Variants in DNAAF9 observed in about 807,000 individuals in gnomAD.
DNAAF9 encodes the protein shulin.
Under a neutral mutation model 167.0 loss-of-function variants are expected in DNAAF9, and 90 were observed. The observed-to-expected ratio is 0.54, with a 90% CI of 0.45 to 0.64. The LOEUF is 0.64. DNAAF9 is among the 30% of genes least tolerant of loss of function. DNAAF9 has a pLI of 0.00. For missense variants in DNAAF9, 1,315 were observed against 1,442.2 expected (o/e 0.91, Z 1.43); for synonymous variants, 491 against 508.8 (o/e 0.96, Z 0.47).
At chr20:3,323,994 C>T (rs933246243) in intron 14 of DNAAF9, among the ~76,000 whole-genome samples, 4 of 152,172 alleles carry the variant, frequency 2.6e-5, no homozygotes, top group Admixed American at 6.5e-5. Flanking sequence ...CAGGGCAGCA[C>T]AAGGTCTTAA....
chr20:3,376,993 T>G (rs958653912), intron 3 of DNAAF9, among the ~76,000 whole-genome samples: 2 of 152,112 alleles, frequency 1.3e-5, no homozygotes, highest in African/African-American at 4.8e-5. Context: ...CATTTGAACC[T>G]GGGAGGCAGA....
At chr20:3,357,063 T>G (rs1454406557) in intron 7 of DNAAF9, among the ~76,000 whole-genome samples, 2 of 152,266 alleles carry the variant, frequency 1.3e-5, no homozygotes, top group Admixed American at 6.5e-5. Context: ...AGTGAATTCT[T>G]TCCTTACTCT....
At chr20:3,318,255 T>G in intron 17 of DNAAF9, 34 bp downstream of exon 17, 2 of 921,184 alleles carry the variant, frequency 2.2e-6, no homozygotes, top group South Asian at 1.4e-5. Flanking sequence ...AAAAAAGGCT[T>G]AAGGTTTGCT....
intron 1 of DNAAF9, among the ~76,000 whole-genome samples, chr20:3,401,913 T>C (rs914749403): frequency 1.3e-5 from 2 of 152,168 alleles, no homozygotes; most frequent in Non-Finnish European, 2.9e-5. Context: ...AATCTTTCTA[T>C]AGAAGATGGT....
At chr20:3,381,765 T>C (rs1224366644) in intron 2 of DNAAF9, among the ~76,000 whole-genome samples, 1 of 152,226 alleles carries the variant, frequency 6.6e-6, no homozygotes, top group East Asian at 1.9e-4. Flanking sequence ...GGATTCATCT[T>C]GGAATGCTTT....
intron 25 of DNAAF9, among the ~76,000 whole-genome samples, chr20:3,293,300 A>AG: frequency 6.8e-6 from 1 of 146,802 alleles, no homozygotes; most frequent in East Asian, 2.0e-4. Flanking sequence ...CTCAAAAAAA[A>AG]AAAAAAAAAA....
intron 10 of DNAAF9, among the ~76,000 whole-genome samples, chr20:3,336,122 CA>C (rs929510026): frequency 5.3e-4 from 79 of 149,112 alleles, no homozygotes; most frequent in African/African-American, 1.7e-3. Flanking sequence ...GACCCCATTT[CA>C]AAAAAAAAAT....
chr20:3,323,351 G>C (rs927101074), intron 14 of DNAAF9, among the ~76,000 whole-genome samples: 4 of 133,726 alleles, frequency 3.0e-5, no homozygotes, highest in Non-Finnish European at 6.1e-5. Context: ...GCGCAATCTC[G>C]ACTCACTGCA....
intron 27 of DNAAF9, among the ~76,000 whole-genome samples, chr20:3,282,199 C>T (rs1309636295): frequency 1.3e-5 from 2 of 152,202 alleles, no homozygotes; most frequent in Non-Finnish European, 2.9e-5. Context: ...TCCAGGTCAG[C>T]AGACTCATCC....
chr20:3,267,826 C>T (rs1489748780), intron 30 of DNAAF9, among the ~76,000 whole-genome samples: 1 of 151,998 alleles, frequency 6.6e-6, no homozygotes, highest in Admixed American at 6.6e-5. Context: ...CAGAGCAAGA[C>T]TCTGTCTAAA....
In DNAAF9 at chr20:3,315,256, T is replaced by C; in HGVS notation, c.1591-136A>G. 1 of 639,172 alleles carries C rather than the reference T, an allele frequency of 1.6e-6. No individual in the cohort carries two copies. The highest frequency in any genetic ancestry group is 2.8e-6 in the Non-Finnish European group (1 of 357,666). The allele number at this position is 639,172 out of a possible 1,614,324, so 39.6% of individuals were successfully genotyped here. On this transcript the variant is annotated intron_variant, in intron 19 of 36. Transcript: ENST00000252032. This position sits in a 1 kb window ranked among gnomAD's most constrained non-coding sequence, Gnocchi z 4.1. ...GTCAGGCTCAGATATGCCCAATGTATTCCATGGCCTTTGGCATTGTCTGGC... is the reference window on the plus strand; with the variant it reads ...GTCAGGCTCAGATATGCCCAATGTACTCCATGGCCTTTGGCATTGTCTGGC...
chr20:3,370,589 T>C (rs1393267398), intron 6 of DNAAF9, among the ~76,000 whole-genome samples: 6 of 152,078 alleles, frequency 3.9e-5, no homozygotes, highest in Non-Finnish European at 5.9e-5. Flanking sequence ...TTTGTATTTT[T>C]AGTAGAGACG....
chr20:3,371,429 C>T (rs924491355), intron 6 of DNAAF9, among the ~76,000 whole-genome samples: 10 of 149,730 alleles, frequency 6.7e-5, no homozygotes, highest in Non-Finnish European at 1.0e-4. Flanking sequence ...CTGCAAGCTC[C>T]GCCTCCCGGG....
Position 3,326,294 on chromosome 20 carries a change from C to A in DNAAF9, c.1101-10G>T, listed in dbSNP as rs1488557064. ...CTGGGACAATAGCCTACTTTAAAAA[C>A]AAAAAATAATGGTTAACATTACAGC... On this transcript the variant is annotated splice_polypyrimidine_tract_variant and intron_variant, in intron 12 of 36. Transcript: ENST00000252032. The A allele has an allele frequency of 2.5e-6, 4 of 1,585,006 alleles. No homozygotes were observed. Among genetic ancestry groups the A allele is most frequent in the Admixed American group, 3.4e-5 (2 of 58,904 alleles).
At chr20:3,296,588 G>A (rs896111112) in intron 23 of DNAAF9, 4 of 407,478 alleles carry the variant, frequency 9.8e-6, no homozygotes, top group African/African-American at 8.1e-5. Context: ...TGTTGCCCAG[G>A]CAGGCTAGTC....
intron 29 of DNAAF9, among the ~76,000 whole-genome samples, chr20:3,272,021 C>T (rs924897604): frequency 2.0e-5 from 3 of 152,076 alleles, no homozygotes; most frequent in Non-Finnish European, 4.4e-5. Flanking sequence ...CTCAGCTAAT[C>T]GTATTTCATC....
rs1430582414 is a variant in DNAAF9 at position 3,337,603 on chromosome 20, G to C, written c.981+2901C>G. Among the ~76,000 whole-genome samples the C allele has an allele frequency of 2.6e-5, 4 of 152,072 alleles. No individual in the cohort carries two copies. The East Asian group carries it at 7.7e-4, about 29-fold the overall frequency. On this transcript the variant is annotated intron_variant, in intron 10 of 36. Transcript: ENST00000252032. ...TCTGTTAGTGCTGGCACTGATGACT[G>C]TCTTTTCTCATTGAGTTTGAGATCT...
chr20:3,317,243 C>T (rs1197107345), intron 17 of DNAAF9, among the ~76,000 whole-genome samples: 1 of 151,406 alleles, frequency 6.6e-6, no homozygotes, highest in Non-Finnish European at 1.5e-5. Context: ...CATCTGTGGT[C>T]CCTGCTACTT....
intron 6 of DNAAF9, among the ~76,000 whole-genome samples, chr20:3,363,502 GAAA>G (rs1032644282): frequency 8.0e-6 from 1 of 124,358 alleles, no homozygotes; most frequent in Non-Finnish European, 1.7e-5. Context: ...CGAAAAAAAA[GAAA>G]AAAAAAGATT....
Sources: gnomAD v4.1 joint callset for allele counts (sites outside exome capture counted in the v4.1 genomes callset) on GRCh38, gnomAD v4.1.1 for gene constraint, Gnocchi (gnomAD v3.1) non-coding constraint, MANE v1.5 for transcripts, NCBI Gene and HGNC (gene_info 2026-07-23, HGNC 2026-07-21) for gene names.